ERC2: variants seen among roughly 807,000 people sequenced by gnomAD.
The protein encoded by ERC2 is ELKS/RAB6-interacting/CAST family member 2.
ERC2 carries 42 observed loss-of-function variants against 114.8 expected under a neutral mutation model. That is an observed-to-expected ratio of 0.37 (90% CI 0.29 to 0.47). The LOEUF is 0.47. Among genes scored for constraint, ERC2 ranks in the 20% least tolerant of loss-of-function variants. The pLI is 0.99. For synonymous variants in ERC2, 454 were observed against 425.5 expected (o/e 1.07, Z -0.82); for missense variants, 939 against 1,150.7 (o/e 0.82, Z 2.66).
chr3:55,639,382 C>A (rs543787634), intron 17 of ERC2, among the ~76,000 whole-genome samples: 1 of 152,014 alleles, frequency 6.6e-6, no homozygotes, highest in Admixed American at 6.5e-5. Flanking sequence ...TATCTGAGGC[C>A]AGCGAAGACA....
At chr3:56,405,004 T>C (rs540857523) in intron 2 of ERC2, among the ~76,000 whole-genome samples, 22 of 152,248 alleles carry the variant, frequency 1.4e-4, no homozygotes, top group Non-Finnish European at 2.1e-4. Flanking sequence ...GGGAGAATAG[T>C]CCTGGCAGAC....
intron 17 of ERC2, among the ~76,000 whole-genome samples, chr3:55,614,521 C>G (rs2059045428): frequency 6.6e-6 from 1 of 152,110 alleles, no homozygotes; most frequent in Non-Finnish European, 1.5e-5. Context: ...TGGTCAAAAA[C>G]TACCCATATT....
chr3:56,454,624 T>A (rs1284733565), intron 1 of ERC2, among the ~76,000 whole-genome samples: 2 of 151,576 alleles, frequency 1.3e-5, no homozygotes, highest in African/African-American at 4.8e-5. Flanking sequence ...CCAAGGTGGG[T>A]GGATTATATG....
intron 3 of ERC2, among the ~76,000 whole-genome samples, chr3:56,193,736 G>C (rs1167540808): frequency 6.6e-6 from 1 of 152,126 alleles, no homozygotes; most frequent in Non-Finnish European, 1.5e-5. Context: ...TTTTGCAACA[G>C]AGAAACCTGA....
At position 55,992,230 on chromosome 3, in the gene ERC2, G is replaced by A. The variant is rs2071127564; in HGVS notation, c.2082C>T (p.Asp694=). 2 of 1,613,400 alleles carry A rather than the reference G, an allele frequency of 1.2e-6. No individual in the cohort carries two copies. Among genetic ancestry groups the A allele is most frequent in the Non-Finnish European group, 1.7e-6 (2 of 1,179,640 alleles). The change falls in exon 11 of 18, where the codon GAC becomes GAT. Residue 694 remains aspartate, a synonymous_variant. Transcript: ENST00000288221. ...QLKKAHNIED[D]SRMNPEFADQ... is the part of the protein sequence containing the mutation. ...CTGCAAACTCAGGGTTCATCCTGGA[G>A]TCATCTTCAATATTATGTGCCTTCA...
At chr3:56,448,616 A>G (rs547642615) in intron 1 of ERC2, among the ~76,000 whole-genome samples, 17 of 152,202 alleles carry the variant, frequency 1.1e-4, no homozygotes, top group Non-Finnish European at 2.5e-4. Context: ...CCAGGGGTCC[A>G]CAGGCTTTCT....
intron 3 of ERC2, among the ~76,000 whole-genome samples, chr3:56,293,092 TAATG>T (rs199907523): frequency 0.014 from 2,128 of 152,234 alleles, 16 homozygotes; most frequent in South Asian, 0.023. Flanking sequence ...ATGGATGGAT[TAATG>T]AATGAATGAA....
rs568899720 is a variant in ERC2 at position 56,244,996 on chromosome 3, C to T, written c.1074+51023G>A. Among the ~76,000 whole-genome samples, 84 of 152,164 alleles carry T rather than the reference C, an allele frequency of 5.5e-4. 2 individuals carry two copies. The South Asian group carries it at 0.016, about 30-fold the overall frequency. ...CTGCAGTATTCAGTACAGTCGCTTG[C>T]TGTACAGGTTTGTAGCCTAGAAGCA... On this transcript the variant is annotated intron_variant, in intron 3 of 17. Coordinates refer to ENST00000288221, the MANE Select transcript of ERC2 (RefSeq NM_015576.3).
intron 13 of ERC2, among the ~76,000 whole-genome samples, chr3:55,926,048 T>C (rs1351021455): frequency 6.6e-6 from 1 of 152,178 alleles, no homozygotes; most frequent in Non-Finnish European, 1.5e-5. Context: ...GAGATTTGAG[T>C]GGGTGGGCAC....
chr3:56,320,179 A>G (rs777471974), intron 2 of ERC2, among the ~76,000 whole-genome samples: 11 of 152,218 alleles, frequency 7.2e-5, no homozygotes, highest in Non-Finnish European at 1.3e-4. Flanking sequence ...GATACACAGT[A>G]TCTGTACTGT....
At chr3:55,602,487 C>T (rs942385441) in intron 17 of ERC2, among the ~76,000 whole-genome samples, 21 of 152,212 alleles carry the variant, frequency 1.4e-4, no homozygotes, top group African/African-American at 4.1e-4. Flanking sequence ...ACAGGTACCA[C>T]GGTGCTGATG....
intron 12 of ERC2, among the ~76,000 whole-genome samples, chr3:55,964,320 G>A (rs1373362393): frequency 6.6e-6 from 1 of 152,158 alleles, no homozygotes; most frequent in Non-Finnish European, 1.5e-5. Flanking sequence ...CTATTGTTCT[G>A]ATGATGCCAA....
At chr3:56,195,626 T>C (rs925245873) in intron 3 of ERC2, among the ~76,000 whole-genome samples, 1 of 151,676 alleles carries the variant, frequency 6.6e-6, no homozygotes, top group African/African-American at 2.4e-5. Context: ...GTCCAGGAGT[T>C]CAAGACCAGC....
intron 2 of ERC2, among the ~76,000 whole-genome samples, chr3:56,313,003 T>TATATATATATATATAG: frequency 1.0e-5 from 1 of 96,534 alleles, no homozygotes; most frequent in Non-Finnish European, 2.2e-5. Flanking sequence ...TGTATATTCA[T>TATATATATATATATAG]ATATATATAT....
intron 17 of ERC2, among the ~76,000 whole-genome samples, chr3:55,644,404 T>C (rs1416114416): frequency 1.3e-5 from 2 of 152,196 alleles, no homozygotes; most frequent in Non-Finnish European, 2.9e-5. Context: ...AAAGTTGACC[T>C]GATGTCATAG....
intron 14 of ERC2, among the ~76,000 whole-genome samples, chr3:55,735,280 T>C (rs2065560885): frequency 6.6e-6 from 1 of 152,220 alleles, no homozygotes; most frequent in South Asian, 2.1e-4. Flanking sequence ...TTTTATGTTG[T>C]TACAAAGTAA....
At chr3:55,753,524 G>A (rs1276555508) in intron 14 of ERC2, among the ~76,000 whole-genome samples, 2 of 152,194 alleles carry the variant, frequency 1.3e-5, no homozygotes, top group African/African-American at 4.8e-5. Context: ...GACCCAAATG[G>A]TGATGGTGCA....
chr3:55,886,734 T>A (rs911528684), intron 14 of ERC2, among the ~76,000 whole-genome samples: 1 of 152,260 alleles, frequency 6.6e-6, no homozygotes, highest in Non-Finnish European at 1.5e-5. Flanking sequence ...CATAAGTTAA[T>A]CTTTTAAACA....
At chr3:56,360,994 G>A (rs2058935659) in intron 2 of ERC2, among the ~76,000 whole-genome samples, 1 of 152,098 alleles carries the variant, frequency 6.6e-6, no homozygotes, top group Admixed American at 6.5e-5. Flanking sequence ...GGGTAGTCAT[G>A]CAAACAGAAG....
Sources: allele counts gnomAD v4.1 joint callset (sites outside exome capture counted in the v4.1 genomes callset), GRCh38; gene constraint gnomAD v4.1.1; transcripts MANE v1.5; gene names NCBI Gene and HGNC (gene_info 2026-07-23, HGNC 2026-07-21).